PLCG2: variants seen among roughly 807,000 people sequenced by gnomAD.
PLCG2 encodes phospholipase C gamma 2, also known as 1-phosphatidylinositol 4,5-bisphosphate phosphodiesterase gamma-2.
Under a neutral mutation model 175.6 loss-of-function variants are expected in PLCG2, and 69 were observed. The ratio of observed to expected loss-of-function variants is 0.39; its 90% CI spans 0.32 to 0.48. PLCG2 has a LOEUF of 0.48. Among genes scored for constraint, PLCG2 ranks in the 20% least tolerant of loss-of-function variants. The pLI, the probability that PLCG2 is intolerant of heterozygous loss-of-function variation, is 0.91. For missense variants in PLCG2, 1,798 were observed against 1,650.9 expected, an observed-to-expected ratio of 1.09 and a Z score of -1.54; for synonymous variants, 827 against 624.0, an observed-to-expected ratio of 1.33 and a Z score of -4.85.
chr16:81,839,934 C>A (rs769153375), intron 2 of PLCG2, among the ~76,000 whole-genome samples: 1 of 152,102 alleles, frequency 6.6e-6, no homozygotes, highest in Non-Finnish European at 1.5e-5. Flanking sequence ...GCCTGTAGTC[C>A]CAGTCACCTG....
chr16:81,762,179 C>A (rs765298120), intron 2 of PLCG2, among the ~76,000 whole-genome samples: 1 of 152,216 alleles, frequency 6.6e-6, no homozygotes, highest in South Asian at 2.1e-4. Flanking sequence ...GTCTATGCCT[C>A]TTTCCAATTA....
intron 2 of PLCG2, among the ~76,000 whole-genome samples, chr16:81,822,346 G>C (rs887641547): frequency 1.3e-5 from 2 of 152,182 alleles, no homozygotes; most frequent in Non-Finnish European, 2.9e-5. Flanking sequence ...GAACCTGTGG[G>C]TATGTCATGT....
In PLCG2 at chr16:81,785,909, A is replaced by G. The variant is rs1475087750; in HGVS notation, c.-47-34A>G. The G allele has an allele frequency of 1.5e-5, 20 of 1,335,960 alleles. No individual in the cohort carries two copies. In the East Asian group the frequency reaches 4.4e-4, roughly 29 times the overall value. The allele number at this position is 1,335,960 out of a possible 1,614,324, so 82.8% of individuals were successfully genotyped here. ...TGTTAACTAAACCCCTTTCAGTACT[A>G]AAATCAGTTCACTCTTTAATTCTGC... On this transcript the variant is annotated intron_variant, in intron 1 of 32. Coordinates refer to ENST00000564138, the MANE Select transcript of PLCG2 (RefSeq NM_002661.5).
intron 2 of PLCG2, among the ~76,000 whole-genome samples, chr16:81,851,825 G>C (rs995791077): frequency 4.6e-5 from 7 of 152,142 alleles, no homozygotes; most frequent in African/African-American, 1.7e-4. Flanking sequence ...GTTTTCACAT[G>C]GCTTTTGCCC....
chr16:81,778,759 G>C (rs1040622753), upstream of PLCG2, among the ~76,000 whole-genome samples: 1 of 152,042 alleles, frequency 6.6e-6, no homozygotes, highest in Non-Finnish European at 1.5e-5. Context: ...TTCAAATTAG[G>C]GCCATGAATT....
intron 2 of PLCG2, among the ~76,000 whole-genome samples, chr16:81,848,061 C>T (rs757615373): frequency 8.9e-4 from 136 of 152,242 alleles, no homozygotes; most frequent in Admixed American, 2.7e-3. Context: ...CATTGTAGAA[C>T]GAAATCAGAG....
chr16:81,745,979 T>A (rs966460406), intron 1 of PLCG2, among the ~76,000 whole-genome samples: 1 of 152,144 alleles, frequency 6.6e-6, no homozygotes, highest in Non-Finnish European at 1.5e-5. Context: ...CCTTTTTCTT[T>A]AGAAGGGAGC....
At chr16:81,821,690 G>A (rs1019817881) in intron 2 of PLCG2, among the ~76,000 whole-genome samples, 18 of 152,224 alleles carry the variant, frequency 1.2e-4, no homozygotes, top group Middle Eastern at 3.4e-3. Flanking sequence ...TATAAGCAGC[G>A]GGTGGTGAAC....
At position 81,834,402 on chromosome 16, in the gene PLCG2, G is replaced by A. The variant is rs141711666; in HGVS notation, c.194-20042G>A. Among the ~76,000 whole-genome samples, 1,382 of 152,268 alleles carry A rather than the reference G, an allele frequency of 9.1e-3. 7 individuals carry two copies. Among genetic ancestry groups the A allele is most frequent in the Non-Finnish European group, 0.014 (919 of 68,024 alleles). On this transcript the variant is annotated intron_variant, in intron 2 of 32. Transcript: ENST00000564138. ...CCAGGAGCCGGCGCGGGTGGTGTTG[G>A]AGAACTCTGGGCCTGCAGCTAGACT...
chr16:81,822,761 C>CAAAA (rs59970301), intron 2 of PLCG2, among the ~76,000 whole-genome samples: 18,157 of 69,430 alleles, frequency 0.26, 3,390 homozygotes, highest in Middle Eastern at 0.46. Flanking sequence ...GACTCCATCT[C>CAAAA]AAAAAAAAAA....
At chr16:81,856,141 A>T in intron 3 of PLCG2, among the ~76,000 whole-genome samples, 1 of 152,156 alleles carries the variant, frequency 6.6e-6, no homozygotes, top group East Asian at 1.9e-4. Flanking sequence ...CCATCTTCTC[A>T]CTTACTGGCT....
intron 13 of PLCG2, chr16:81,897,816 A>AT: frequency 2.2e-6 from 1 of 455,694 alleles, no homozygotes; most frequent in South Asian, 1.5e-5. Flanking sequence ...AAGTGTGGGG[A>AT]TTATGGGCAT....
At chr16:81,941,698 T>TC (rs201526187) in intron 30 of PLCG2, among the ~76,000 whole-genome samples, 6,002 of 141,060 alleles carry the variant, frequency 0.043, 131 homozygotes, top group Middle Eastern at 0.057. Context: ...CACTGTAAAC[T>TC]CCCCCTTTTT....
intron 2 of PLCG2, among the ~76,000 whole-genome samples, chr16:81,824,485 A>G (rs981090655): frequency 1.3e-5 from 2 of 152,172 alleles, no homozygotes; most frequent in African/African-American, 4.8e-5. Context: ...TGGGGTTGTG[A>G]CTGCTGGAAA....
intron 18 of PLCG2, 27 bp from the exon 19 acceptor site, chr16:81,912,570 G>C: frequency 1.2e-6 from 2 of 1,610,954 alleles, no homozygotes; most frequent in South Asian, 2.2e-5. Flanking sequence ...CGCTCACCTG[G>C]TCGTTTTCCC....
Position 81,928,561 on chromosome 16 carries a change from A to C in PLCG2, c.2518A>C (p.Ile840Leu). 6.3e-7 allele frequency: 1 copy of C among 1,596,276 alleles called. No individual in the cohort carries two copies. Among genetic ancestry groups the C allele is most frequent in the South Asian group, 1.1e-5 (1 of 90,654 alleles). ...GTTATGTCTTGTTTCTTCACAGATTATTGAAGACAATCCCTTAGGGTCTCT... is the reference window on the plus strand; with the variant it reads ...GTTATGTCTTGTTTCTTCACAGATTCTTGAAGACAATCCCTTAGGGTCTCT... The part of the protein sequence containing the change: ...ADFEELEKQI[I>L]EDNPLGSLCR... Residue 840 changes from isoleucine to leucine, a missense_variant, in exon 24 of 33, where the codon ATT becomes CTT. Ile to Leu is a conservative substitution (Grantham distance 5). Coordinates refer to ENST00000564138, the MANE Select transcript of PLCG2 (RefSeq NM_002661.5).
chr16:81,863,988 A>G (rs1472876669), intron 5 of PLCG2, among the ~76,000 whole-genome samples: 1 of 152,220 alleles, frequency 6.6e-6, no homozygotes, highest in African/African-American at 2.4e-5. Context: ...GAGCCACGGC[A>G]GTAGTGATTC....
intron 3 of PLCG2, among the ~76,000 whole-genome samples, chr16:81,857,262 A>G (rs747048000): frequency 2.0e-5 from 3 of 152,144 alleles, no homozygotes; most frequent in Non-Finnish European, 2.9e-5. Flanking sequence ...AAAGCCTTCA[A>G]GTGATTCTCC....
intron 4 of PLCG2, 67 bp from the exon 5 acceptor site, chr16:81,859,049 C>A: frequency 1.1e-6 from 1 of 949,616 alleles, no homozygotes; most frequent in East Asian, 2.4e-5. Context: ...CCGTAGGACT[C>A]ACTTAGACTT....
Sources: gnomAD v4.1 joint callset for allele counts (sites outside exome capture counted in the v4.1 genomes callset) on GRCh38, gnomAD v4.1.1 for gene constraint, MANE v1.5 for transcripts, NCBI Gene and HGNC (gene_info 2026-07-23, HGNC 2026-07-21) for gene names.